The following CDH4 variants were observed in gnomAD, a reference collection of about 807,000 sequenced individuals.
The protein encoded by CDH4 is cadherin-4.
CDH4 carries 33 observed loss-of-function variants against 86.0 expected under a neutral mutation model. The ratio of observed to expected loss-of-function variants is 0.38; its 90% CI spans 0.29 to 0.51. The LOEUF is 0.51. Ranked by LOEUF, CDH4 falls within the 20% of genes least tolerant of loss-of-function variation. CDH4 has a pLI of 0.86. For synonymous variants in CDH4, 555 were observed against 549.4 expected (o/e 1.01, Z -0.14); for missense variants, 1,114 against 1,307.4 (o/e 0.85, Z 2.28).
At position 61,527,985 on chromosome 20, in the gene CDH4, G is replaced by A. The variant is rs6142787; in HGVS notation, c.170-215578G>A. The stretch of plus-strand genomic sequence containing the variant: ...GCCCCTGACACTTTGGACAATCTAC[G>A]CAGCATTATTCCAGGGTATAGAGAT... On this transcript the variant is annotated intron_variant, in intron 2 of 15. Coordinates refer to ENST00000614565, the MANE Select transcript of CDH4 (RefSeq NM_001794.5). Among the ~76,000 whole-genome samples the A allele has an allele frequency of 0.028, 4,320 of 152,216 alleles. 338 individuals are homozygous for A. The East Asian group carries it at 0.32, about 11-fold the overall frequency.
At chr20:61,536,407 A>G (rs1336453140) in intron 2 of CDH4, among the ~76,000 whole-genome samples, 1 of 150,808 alleles carries the variant, frequency 6.6e-6, no homozygotes, top group Non-Finnish European at 1.5e-5. Flanking sequence ...AAGTTCCATC[A>G]TGAGACAAAT....
At chr20:61,357,003 C>T (rs138822997) in intron 2 of CDH4, among the ~76,000 whole-genome samples, 48 of 152,256 alleles carry the variant, frequency 3.2e-4, no homozygotes, top group African/African-American at 1.1e-3. Context: ...GCCTGAACTC[C>T]GTGGGGTGTT....
In CDH4 at chr20:61,684,248, C is replaced by T. The variant is rs751871229; in HGVS notation, c.170-59315C>T. Among the ~76,000 whole-genome samples the T allele has an allele frequency of 6.6e-6, 1 of 152,138 alleles. No individual in the cohort carries two copies. The highest frequency in any genetic ancestry group is 6.5e-5 in the Admixed American group (1 of 15,282). On this transcript the variant is annotated intron_variant, in intron 2 of 15. Transcript: ENST00000614565. This position sits in a 1 kb window ranked among gnomAD's most constrained non-coding sequence, Gnocchi z 4.5. ...AGTGCTGTGAATGAGGGGGACTGGCCGGCCTGGGAAGTGGCCTGGGAGGTG... is the reference window on the plus strand; with the variant it reads ...AGTGCTGTGAATGAGGGGGACTGGCTGGCCTGGGAAGTGGCCTGGGAGGTG...
At chr20:61,880,720 C>A (rs962412138) in intron 7 of CDH4, among the ~76,000 whole-genome samples, 1 of 152,204 alleles carries the variant, frequency 6.6e-6, no homozygotes, top group Non-Finnish European at 1.5e-5. Flanking sequence ...GAGAGAGGGT[C>A]GAGGTTTGGG....
intron 2 of CDH4, among the ~76,000 whole-genome samples, chr20:61,490,807 T>C (rs1481747741): frequency 6.6e-6 from 1 of 152,164 alleles, no homozygotes; most frequent in Admixed American, 6.5e-5. Context: ...TGTCTAATTG[T>C]CATGTGATGA....
chr20:61,331,696 C>T (rs375063105), intron 2 of CDH4, among the ~76,000 whole-genome samples: 166 of 136,472 alleles, frequency 1.2e-3, no homozygotes, highest in Middle Eastern at 3.6e-3. Flanking sequence ...CCACCTGCCC[C>T]AGAGCCACCT....
At chr20:61,705,016 G>C (rs193174110) in intron 2 of CDH4, among the ~76,000 whole-genome samples, 1 of 152,156 alleles carries the variant, frequency 6.6e-6, no homozygotes, top group African/African-American at 2.4e-5. Context: ...ACCCAGGAAC[G>C]CGTTGGGGCT....
At chr20:61,332,532 C>T (rs1568801682) in intron 2 of CDH4, among the ~76,000 whole-genome samples, 1 of 152,338 alleles carries the variant, frequency 6.6e-6, no homozygotes, top group East Asian at 1.9e-4. Context: ...CCCTTGGCTG[C>T]CACTGCCGCC....
chr20:61,819,415 T>G (rs1396506805), intron 4 of CDH4, among the ~76,000 whole-genome samples: 1 of 151,406 alleles, frequency 6.6e-6, no homozygotes, highest in African/African-American at 2.4e-5. Context: ...TCGCTCGCTC[T>G]GCCCCGGGAG....
intron 2 of CDH4, among the ~76,000 whole-genome samples, chr20:61,699,994 C>T (rs951799509): frequency 6.6e-6 from 1 of 152,206 alleles, no homozygotes; most frequent in Admixed American, 6.5e-5. Flanking sequence ...TGCTGAGGAA[C>T]GAGGCTCACA....
At chr20:61,365,044 A>G (rs2084803698) in intron 2 of CDH4, among the ~76,000 whole-genome samples, 1 of 152,176 alleles carries the variant, frequency 6.6e-6, no homozygotes. Context: ...GATGGATTCC[A>G]AGATATGGAA....
At chr20:61,757,240 C>CA (rs1568798598) in intron 3 of CDH4, among the ~76,000 whole-genome samples, 1 of 152,222 alleles carries the variant, frequency 6.6e-6, no homozygotes. Flanking sequence ...CAGACCCCCC[C>CA]CCCAGCCCCC....
chr20:61,442,121 C>T (rs111611029), intron 2 of CDH4, among the ~76,000 whole-genome samples: 10 of 152,316 alleles, frequency 6.6e-5, no homozygotes, highest in Admixed American at 3.3e-4. Context: ...TTAAGTGCAT[C>T]TATTTAGCAT....
Position 61,254,871 on chromosome 20 carries a change from T to C in CDH4, c.103T>C (p.Phe35Leu). The change falls in exon 2 of 16, where the codon TTC (phenylalanine) becomes CTC (leucine). Residue 35 changes from phenylalanine to leucine, a missense_variant. By Grantham distance (22) the Phe-to-Leu change is conservative (BLOSUM62 0). This residue lies in a region of CDH4 where 221 missense variants were observed against 209.5 expected (regional missense o/e 1.05). Coordinates refer to ENST00000614565, the MANE Select transcript of CDH4 (RefSeq NM_001794.5). ...AACTAGAGAGACCTGCAAGGCTGGG[T>C]TCTCTGAAGATGATTACACGGCATT... is the stretch of plus-strand genomic sequence containing the variant. ...LTTRETCKAG[F>L]SEDDYTALIS... The C allele has an allele frequency of 6.2e-7, 1 of 1,613,342 alleles. No homozygotes were observed. Among genetic ancestry groups the C allele is most frequent in the Non-Finnish European group, 8.5e-7 (1 of 1,179,286 alleles).
At chr20:61,296,260 TGC>T (rs1260174858) in intron 2 of CDH4, among the ~76,000 whole-genome samples, 217 of 11,218 alleles carry the variant, frequency 0.019, 2 homozygotes, top group African/African-American at 0.022. Flanking sequence ...TGTGCATGTG[TGC>T]GTGTGTGTGT....
chr20:61,925,885 C>G (rs568960176), intron 11 of CDH4, among the ~76,000 whole-genome samples: 1 of 152,272 alleles, frequency 6.6e-6, no homozygotes, highest in Admixed American at 6.5e-5. Context: ...TAAGGACTTT[C>G]AGAAAGCCCC....
At chr20:61,929,911 G>A in intron 13 of CDH4, 69 bp downstream of exon 13, 3 of 1,241,256 alleles carry the variant, frequency 2.4e-6, no homozygotes, top group Non-Finnish European at 3.5e-6. Context: ...CAGGCATGGT[G>A]GGCAGAGGGG....
At chr20:61,450,592 G>A (rs939009659) in intron 2 of CDH4, among the ~76,000 whole-genome samples, 1 of 152,002 alleles carries the variant, frequency 6.6e-6, no homozygotes, top group African/African-American at 2.4e-5. Flanking sequence ...TTGCAAATAC[G>A]TTTGAGGTTC....
chr20:61,755,317 C>G (rs2088548847), intron 3 of CDH4, among the ~76,000 whole-genome samples: 1 of 148,268 alleles, frequency 6.7e-6, no homozygotes, highest in African/African-American at 2.5e-5. Context: ...ACAGTGCACA[C>G]CGCACACACA....
Sources: allele counts gnomAD v4.1 joint callset (sites outside exome capture counted in the v4.1 genomes callset), GRCh38; gene constraint gnomAD v4.1.1; regional missense constraint gnomAD v4.1.1; non-coding constraint Gnocchi (gnomAD v3.1); transcripts MANE v1.5; gene names NCBI Gene and HGNC (gene_info 2026-07-23, HGNC 2026-07-21).